Variants in ATP8B4 observed in about 807,000 individuals in gnomAD.
ATP8B4 encodes ATPase phospholipid transporting 8B4 (putative).
Under a neutral mutation model 145.6 loss-of-function variants are expected in ATP8B4, and 133 were observed. The ratio of observed to expected loss-of-function variants is 0.91; its 90% CI spans 0.79 to 1.05. The LOEUF (loss-of-function observed/expected upper bound fraction) is 1.05. Ranked by LOEUF, ATP8B4 falls within the 50% of genes least tolerant of loss-of-function variation. The pLI, the probability that ATP8B4 is intolerant of heterozygous loss-of-function variation, is 0.00. For synonymous variants in ATP8B4, 507 were observed against 492.9 expected (o/e 1.03, Z -0.38); for missense variants, 1,458 against 1,425.2 (o/e 1.02, Z -0.37).
chr15:50,055,181 C>T lies in ATP8B4; in HGVS notation c.88-7717G>A, dbSNP rs761171015. ...GGGAGGCTGCCAAGAACAAACTCCG[C>T]ACTAAAAATGCAGGGCCAAGAAATG... On this transcript the variant is annotated intron_variant, in intron 3 of 27. Coordinates refer to ENST00000284509, the MANE Select transcript of ATP8B4 (RefSeq NM_024837.4). Among the ~76,000 whole-genome samples the T allele has an allele frequency of 7.4e-4, 112 of 152,178 alleles. 1 individual carries two copies. Among genetic ancestry groups the T allele is most frequent in the Non-Finnish European group, 1.2e-3 (84 of 68,040 alleles).
At chr15:50,035,847 C>T (rs1172443713) in intron 6 of ATP8B4, among the ~76,000 whole-genome samples, 1 of 152,170 alleles carries the variant, frequency 6.6e-6, no homozygotes, top group Non-Finnish European at 1.5e-5. Flanking sequence ...CCAGGACATG[C>T]CAATGGCTCC....
intron 1 of ATP8B4, among the ~76,000 whole-genome samples, chr15:50,108,680 TC>T (rs930335548): frequency 5.9e-5 from 9 of 152,172 alleles, no homozygotes; most frequent in African/African-American, 1.7e-4. Flanking sequence ...ATATTTCATT[TC>T]CTTTAGGAGG....
rs1178027336 is a variant in ATP8B4, at chr15:50,053,298, G to GT, written c.88-5835dup. On this transcript the variant is annotated intron_variant, in intron 3 of 27. Transcript: ENST00000284509. The stretch of plus-strand genomic sequence containing the variant: ...TTGACACAGCTTGTAAGTGGTGATT[G>GT]TAAGAGCCAGGATTTGGATCTAGCA... Among the ~76,000 whole-genome samples, 4 of 152,290 alleles carry GT rather than the reference G, an allele frequency of 2.6e-5. No homozygotes were observed. The South Asian group carries it at 8.3e-4, about 32-fold the overall frequency.
At chr15:50,014,924 T>G (rs1202341271) in intron 6 of ATP8B4, among the ~76,000 whole-genome samples, 1 of 152,186 alleles carries the variant, frequency 6.6e-6, no homozygotes, top group Non-Finnish European at 1.5e-5. Flanking sequence ...GGTACTCAAA[T>G]ATGAATGTAC....
At chr15:49,869,122 G>GA (rs2033287440) in intron 25 of ATP8B4, among the ~76,000 whole-genome samples, 1 of 152,156 alleles carries the variant, frequency 6.6e-6, no homozygotes, top group African/African-American at 2.4e-5. Context: ...TGTTGGCCAG[G>GA]CTGGTCTTGA....
At chr15:50,002,326 C>T in intron 7 of ATP8B4, 103 bp from the exon 8 acceptor site, 1 of 895,436 alleles carries the variant, frequency 1.1e-6, no homozygotes, top group South Asian at 1.6e-5. Flanking sequence ...AACAGAGCCT[C>T]AGAAACAGAG....
chr15:50,054,821 A>C (rs898790543), intron 3 of ATP8B4, among the ~76,000 whole-genome samples: 18 of 150,270 alleles, frequency 1.2e-4, no homozygotes, highest in African/African-American at 4.0e-4. Context: ...AAAAAAAAAA[A>C]AACACCAACC....
intron 1 of ATP8B4, among the ~76,000 whole-genome samples, chr15:50,168,215 G>A (rs980080509): frequency 6.6e-6 from 1 of 152,174 alleles, no homozygotes; most frequent in Admixed American, 6.5e-5. Context: ...TCCCAACAGA[G>A]CAGCATGCGA....
intron 26 of ATP8B4, among the ~76,000 whole-genome samples, chr15:49,863,526 TATCCAGGTCCCCTATCCCAGTATTCA>T (rs1184042124): frequency 2.0e-5 from 3 of 152,198 alleles, no homozygotes; most frequent in Admixed American, 2.0e-4. Flanking sequence ...TACCCCCAGT[TATCCAGGTCCCCTATCCCAGTATTCA>T]AAGCTTACCA....
At chr15:49,978,784 A>ACACACG in intron 12 of ATP8B4, among the ~76,000 whole-genome samples, 1 of 138,922 alleles carries the variant, frequency 7.2e-6, no homozygotes, top group Non-Finnish European at 1.6e-5. Flanking sequence ...ACACACACAC[A>ACACACG]CATGCATACA....
intron 23 of ATP8B4, among the ~76,000 whole-genome samples, chr15:49,886,868 G>A (rs1476964834): frequency 6.6e-6 from 1 of 151,480 alleles, no homozygotes; most frequent in East Asian, 1.9e-4. Flanking sequence ...GGAGTGCAGT[G>A]GCACAATCTC....
chr15:49,867,705 A>G (rs1413247678), intron 25 of ATP8B4, among the ~76,000 whole-genome samples: 2 of 152,368 alleles, frequency 1.3e-5, no homozygotes, highest in East Asian at 1.9e-4. Flanking sequence ...GGTGGCTCCT[A>G]TTGAAGCAGA....
chr15:49,996,887 G>A lies in ATP8B4; in HGVS notation c.507-128C>T, dbSNP rs942118118. The stretch of plus-strand genomic sequence containing the variant: ...AGATCCAAGAAACTCTCCTTTGAAT[G>A]TCATTCACACTTCGCTCACTGTTTC... On this transcript the variant is annotated intron_variant, in intron 8 of 27. Transcript: ENST00000284509. 4.6e-6 allele frequency: 3 copies of A among 654,342 alleles called. No individual in the cohort carries two copies. The African/African-American group carries it at 5.3e-5, about 12-fold the overall frequency. 40.5% of individuals were successfully genotyped at this position (654,342 alleles called of 1,614,324 possible). A position where few individuals can be genotyped will look rare whatever the true frequency, so the allele number is the denominator to read the frequency against.
At position 49,987,492 on chromosome 15, in the gene ATP8B4, G is replaced by C; in HGVS notation, c.647C>G (p.Ser216Cys). 6.2e-7 allele frequency: 1 copy of C among 1,613,678 alleles called. No individual in the cohort carries two copies. Among genetic ancestry groups the C allele is most frequent in the Non-Finnish European group, 8.5e-7 (1 of 1,179,738 alleles). The change falls in exon 10 of 28, where the codon TCT (serine) becomes TGT (cysteine). Residue 216 changes from serine (S) to cysteine (C), a missense_variant. Transcript: ENST00000284509. ...GAGGGAATGCTTGCTGTCTTTCCAA[G>C]AAAGGATTCCCATGAATTTATCTAA... is the stretch of plus-strand genomic sequence containing the variant. ...NKLDKFMGIL[S>C]WKDSKHSLNN...
chr15:50,148,932 C>T (rs1158122856), intron 1 of ATP8B4, among the ~76,000 whole-genome samples: 6 of 152,206 alleles, frequency 3.9e-5, no homozygotes, highest in African/African-American at 9.7e-5. Context: ...TTGTCTACAA[C>T]TATCTCTCAA....
At chr15:49,911,668 G>C (rs1165504163) in intron 20 of ATP8B4, among the ~76,000 whole-genome samples, 1 of 152,028 alleles carries the variant, frequency 6.6e-6, no homozygotes, top group Non-Finnish European at 1.5e-5. Flanking sequence ...GATTTAAACT[G>C]GACTTTAGAT....
intron 1 of ATP8B4, among the ~76,000 whole-genome samples, chr15:50,162,910 C>A (rs1193984771): frequency 6.6e-6 from 1 of 152,136 alleles, no homozygotes; most frequent in Non-Finnish European, 1.5e-5. Context: ...TTAAGAGACT[C>A]TGATGTATTC....
chr15:49,966,625 C>G (rs370607825), intron 13 of ATP8B4, among the ~76,000 whole-genome samples: 3 of 152,196 alleles, frequency 2.0e-5, no homozygotes, highest in Admixed American at 6.5e-5. Context: ...CAGTCAGGGG[C>G]TTATAGATAA....
intron 20 of ATP8B4, 40 bp from the exon 21 acceptor site, chr15:49,901,279 A>T: frequency 6.3e-7 from 1 of 1,592,746 alleles, no homozygotes; most frequent in Non-Finnish European, 8.6e-7. Flanking sequence ...AACAAAGCAT[A>T]CAGAGCATGC....
Sources: gnomAD v4.1 joint callset for allele counts (sites outside exome capture counted in the v4.1 genomes callset) on GRCh38, gnomAD v4.1.1 for gene constraint, MANE v1.5 for transcripts, NCBI Gene and HGNC (gene_info 2026-07-23, HGNC 2026-07-21) for gene names.